The following EPN2 variants were observed in gnomAD, a reference collection of about 807,000 sequenced individuals.
The protein encoded by EPN2 is epsin 2.
A neutral mutation model predicts 61.7 loss-of-function variants in EPN2; 34 were observed. The ratio of observed to expected loss-of-function variants is 0.55; its 90% CI spans 0.42 to 0.73. EPN2 has a LOEUF of 0.73. Among genes scored for constraint, EPN2 ranks in the 30% least tolerant of loss-of-function variants. The pLI is 0.00. For synonymous variants in EPN2, 349 were observed against 353.6 expected (o/e 0.99, Z 0.15); for missense variants, 714 against 839.2 (o/e 0.85, Z 1.84).
chr17:19,305,117 G>T (rs577917669), intron 4 of EPN2, among the ~76,000 whole-genome samples: 68 of 145,510 alleles, frequency 4.7e-4, no homozygotes, highest in East Asian at 3.0e-3. Flanking sequence ...ATATACTTTG[G>T]TTTTTTTTTT....
At position 19,283,855 on chromosome 17, in the gene EPN2, G is replaced by A; in HGVS notation, c.595+141G>A. ...CAGTACCCAGCTTTTGGTGGCCCAG[G>A]CAAATTGTCCTTGGTCTGGATTGAG... On this transcript the variant is annotated intron_variant, in intron 3 of 10. Coordinates refer to ENST00000314728, the MANE Select transcript of EPN2 (RefSeq NM_014964.5). The surrounding 1 kb of genome is among the most constrained non-coding windows in gnomAD (Gnocchi z 7.0). 1.5e-6 allele frequency: 1 copy of A among 652,114 alleles called. No individual in the cohort carries two copies. Among genetic ancestry groups the A allele is most frequent in the Admixed American group, 3.0e-5 (1 of 33,704 alleles). The allele number at this position is 652,114 out of a possible 1,614,324, so 40.4% of individuals were successfully genotyped here.
chr17:19,265,604 T>C (rs887566145), intron 1 of EPN2, among the ~76,000 whole-genome samples: 2 of 152,156 alleles, frequency 1.3e-5, no homozygotes, highest in African/African-American at 4.8e-5. Context: ...CGATGTCTAC[T>C]TGCCTCCTCC....
At chr17:19,246,122 A>G (rs1417831600) in intron 1 of EPN2, among the ~76,000 whole-genome samples, 2 of 152,140 alleles carry the variant, frequency 1.3e-5, no homozygotes, top group Non-Finnish European at 2.9e-5. Context: ...GCACTTTGGG[A>G]AGCCGAGGCA....
chr17:19,289,191 TCTC>T (rs1476246708), intron 4 of EPN2, among the ~76,000 whole-genome samples: 1 of 148,846 alleles, frequency 6.7e-6, no homozygotes, highest in Admixed American at 6.8e-5. Context: ...TTCACGCCAT[TCTC>T]CTGCCTCAGC....
At chr17:19,319,469 T>A (rs1357402835) in intron 7 of EPN2, among the ~76,000 whole-genome samples, 1 of 150,824 alleles carries the variant, frequency 6.6e-6, no homozygotes, top group Non-Finnish European at 1.5e-5. Flanking sequence ...TAGCTGAGAT[T>A]ACAGGCGAGT....
intron 4 of EPN2, among the ~76,000 whole-genome samples, chr17:19,299,026 A>G (rs961976418): frequency 6.6e-6 from 1 of 152,160 alleles, no homozygotes; most frequent in African/African-American, 2.4e-5. Flanking sequence ...GTGTATGAAC[A>G]TTCTGTTTCT....
intron 4 of EPN2, among the ~76,000 whole-genome samples, chr17:19,289,382 A>G (rs12051850): frequency 6.6e-6 from 1 of 152,026 alleles, no homozygotes. Flanking sequence ...CCGCACCTGG[A>G]CGATTCTGGG....
At chr17:19,275,805 G>A (rs190045109) in intron 1 of EPN2, among the ~76,000 whole-genome samples, 14 of 152,338 alleles carry the variant, frequency 9.2e-5, no homozygotes, top group African/African-American at 3.1e-4. Flanking sequence ...ACCTTACCTA[G>A]TTCTGGGGAC....
At chr17:19,239,651 C>T (rs952783837) in intron 1 of EPN2, among the ~76,000 whole-genome samples, 5 of 152,194 alleles carry the variant, frequency 3.3e-5, no homozygotes, top group African/African-American at 1.2e-4. Flanking sequence ...TCCCACAAGT[C>T]CCCGGACCAG....
At position 19,283,228 on chromosome 17, in the gene EPN2, A is replaced by G. The variant is rs201822108; in HGVS notation, c.109A>G (p.Ser37Gly). The G allele has an allele frequency of 1.2e-6, 2 of 1,614,180 alleles. No homozygotes were observed. The highest frequency in any genetic ancestry group is 8.5e-7 in the Non-Finnish European group (1 of 1,180,028). ...CTCCAATGACCCGTGGGGCCCGTCC[A>G]GTTCTCTGATGACCGAGATTGCCGA... ...ATSNDPWGPSSSLMTEIADLT... is the reference protein window; with the variant it reads ...ATSNDPWGPSGSLMTEIADLT... Residue 37 changes from serine (S) to glycine (G), a missense_variant, in exon 3 of 11, where the codon AGT (serine) becomes GGT (glycine). Transcript: ENST00000314728. The surrounding 1 kb of genome is among the most constrained non-coding windows in gnomAD (Gnocchi z 7.0).
intron 1 of EPN2, among the ~76,000 whole-genome samples, chr17:19,264,009 C>A (rs543020743): frequency 6.6e-6 from 1 of 152,102 alleles, no homozygotes; most frequent in Non-Finnish European, 1.5e-5. Flanking sequence ...TAAAGTAGAG[C>A]GATTTCTGAG....
rs986647162 is a variant in EPN2, at chr17:19,335,157, AGAT to A, written c.*911_*913del. 12 of 352,040 alleles carry A rather than the reference AGAT, an allele frequency of 3.4e-5. No homozygotes were observed. Among genetic ancestry groups the A allele is most frequent in the Non-Finnish European group, 4.6e-5 (9 of 194,974 alleles). 21.8% of individuals were successfully genotyped at this position (352,040 alleles called of 1,614,324 possible). A position where few individuals can be genotyped will look rare whatever the true frequency, so the allele number is the denominator to read the frequency against. On this transcript the variant is annotated 3_prime_UTR_variant, in exon 11 of 11. Transcript: ENST00000314728. The stretch of plus-strand genomic sequence containing the variant: ...AAAATATGGGAATTTGATTACACAT[AGAT>A]GATGATGTTTATTTAAAAAAAAAAC...
At position 19,283,170 on chromosome 17, in the gene EPN2, C is replaced by T; in HGVS notation, c.51C>T (p.Tyr17=). ...RRQMKNIVNN[Y]SEAEIKVREA... The stretch of plus-strand genomic sequence containing the variant: ...AGATGAAAAACATCGTGAACAATTA[C>T]TCAGAGGCAGAAATCAAAGTCCGGG... Residue 17 remains tyrosine (Y), a synonymous_variant, in exon 3 of 11, where the codon TAC becomes TAT. Transcript: ENST00000314728. This position sits in a 1 kb window ranked among gnomAD's most constrained non-coding sequence, Gnocchi z 7.0. The T allele has an allele frequency of 6.2e-7, 1 of 1,613,954 alleles. No individual in the cohort carries two copies. Among genetic ancestry groups the T allele is most frequent in the Non-Finnish European group, 8.5e-7 (1 of 1,179,964 alleles).
intron 1 of EPN2, among the ~76,000 whole-genome samples, chr17:19,268,461 G>A (rs1271482023): frequency 6.6e-6 from 1 of 152,130 alleles, no homozygotes; most frequent in Admixed American, 6.6e-5. Context: ...GGGCTCAGGC[G>A]ATCCTCCATC....
chr17:19,334,418 C>A lies in EPN2; in HGVS notation c.*164C>A. The A allele has an allele frequency of 2.0e-6, 1 of 509,428 alleles. No individual in the cohort carries two copies. Among genetic ancestry groups the A allele is most frequent in the Non-Finnish European group, 3.2e-6 (1 of 316,368 alleles). 31.6% of individuals were successfully genotyped at this position (509,428 alleles called of 1,614,324 possible). A position where few individuals can be genotyped will look rare whatever the true frequency, so the allele number is the denominator to read the frequency against. ...GTCTTTACAGCCCCAACCCTCAGAC[C>A]CTCGCCTTCCAAGGCAGGCCCCTCA... On this transcript the variant is annotated 3_prime_UTR_variant, in exon 11 of 11. Transcript: ENST00000314728. The surrounding 1 kb of genome is among the most constrained non-coding windows in gnomAD (Gnocchi z 4.9).
At chr17:19,250,928 C>T (rs1343740479) in intron 1 of EPN2, among the ~76,000 whole-genome samples, 2 of 151,978 alleles carry the variant, frequency 1.3e-5, no homozygotes, top group Non-Finnish European at 2.9e-5. Flanking sequence ...CCCTCCTCCT[C>T]TCTGTGCCCT....
At chr17:19,306,939 G>A (rs1200877095) in intron 4 of EPN2, among the ~76,000 whole-genome samples, 21 of 152,300 alleles carry the variant, frequency 1.4e-4, no homozygotes, top group African/African-American at 7.2e-5. Context: ...AAGAGGCTGG[G>A]AACAGGTGGC....
At chr17:19,311,170 TG>T (rs1455680014) in intron 5 of EPN2, among the ~76,000 whole-genome samples, 1 of 152,194 alleles carries the variant, frequency 6.6e-6, no homozygotes, top group East Asian at 1.9e-4. Flanking sequence ...TCAGTGACAG[TG>T]GGCAATCTCA....
chr17:19,326,441 C>T (rs1046046131), intron 7 of EPN2, among the ~76,000 whole-genome samples: 3 of 152,126 alleles, frequency 2.0e-5, no homozygotes, highest in African/African-American at 7.2e-5. Flanking sequence ...AATCCCAGCA[C>T]TTTGGGAGGC....
Sources: gnomAD v4.1 joint callset for allele counts (sites outside exome capture counted in the v4.1 genomes callset) on GRCh38, gnomAD v4.1.1 for gene constraint, Gnocchi (gnomAD v3.1) non-coding constraint, MANE v1.5 for transcripts, NCBI Gene and HGNC (gene_info 2026-07-23, HGNC 2026-07-21) for gene names.